Variants in GSK3B observed in about 807,000 individuals in gnomAD.
GSK3B encodes the protein glycogen synthase kinase 3 beta.
GSK3B carries 15 observed loss-of-function variants against 56.4 expected under a neutral mutation model. That is an observed-to-expected ratio of 0.27 (90% CI 0.18 to 0.41). GSK3B has a LOEUF of 0.41. Among genes scored for constraint, GSK3B ranks in the 10% least tolerant of loss-of-function variants. GSK3B has a pLI of 1.00. For missense variants in GSK3B, 300 were observed against 513.4 expected (o/e 0.58, Z 4.02); for synonymous variants, 181 against 188.9 (o/e 0.96, Z 0.34).
intron 3 of GSK3B, among the ~76,000 whole-genome samples, chr3:119,936,332 T>TAAA (rs1052636709): frequency 2.2e-5 from 3 of 138,420 alleles, no homozygotes; most frequent in African/African-American, 8.6e-5. Context: ...TAAATATATA[T>TAAA]AAAAAATATA....
intron 2 of GSK3B, among the ~76,000 whole-genome samples, chr3:119,948,266 C>A (rs910473371): frequency 6.6e-6 from 1 of 152,090 alleles, no homozygotes; most frequent in African/African-American, 2.4e-5. Flanking sequence ...AATGGTGTTA[C>A]GGTCAGAAAA....
At chr3:120,057,802 A>G (rs1290198981) in intron 1 of GSK3B, among the ~76,000 whole-genome samples, 1 of 152,190 alleles carries the variant, frequency 6.6e-6, no homozygotes, top group African/African-American at 2.4e-5. Flanking sequence ...TCTCATTTGC[A>G]AAACCGGAAT....
intron 3 of GSK3B, among the ~76,000 whole-genome samples, chr3:119,938,501 A>G (rs541262941): frequency 6.6e-6 from 1 of 152,032 alleles, no homozygotes; most frequent in South Asian, 2.1e-4. Context: ...TCAATGTAAT[A>G]TATCATGTTA....
chr3:119,848,703 AC>A (rs1174453166), intron 9 of GSK3B, among the ~76,000 whole-genome samples: 1 of 152,194 alleles, frequency 6.6e-6, no homozygotes, highest in African/African-American at 2.4e-5. Context: ...TCAAATCAGT[AC>A]CTAAACATCT....
chr3:119,848,420 C>CT lies in GSK3B; in HGVS notation c.1097-5068dup, dbSNP rs148545055. On this transcript the variant is annotated intron_variant, in intron 9 of 10. Transcript: ENST00000264235. ...TGAATTTTAAAAAGTTCAAGAAAAGCTTTTTTTTTTAAATTAAGGTATAAT... is the reference window on the plus strand; with the variant it reads ...TGAATTTTAAAAAGTTCAAGAAAAGCTTTTTTTTTTTAAATTAAGGTATAAT... Among the ~76,000 whole-genome samples the CT allele has an allele frequency of 4.6e-3, 692 of 149,168 alleles. 3 individuals are homozygous for CT. Among genetic ancestry groups the CT allele is most frequent in the African/African-American group, 0.013 (521 of 40,750 alleles).
At chr3:119,868,487 T>G (rs1402021614) in intron 8 of GSK3B, among the ~76,000 whole-genome samples, 1 of 152,220 alleles carries the variant, frequency 6.6e-6, no homozygotes, top group Admixed American at 6.5e-5. Context: ...TGGAGCTAAG[T>G]GTTGTGACTG....
At chr3:120,053,877 G>A (rs1232146088) in intron 1 of GSK3B, among the ~76,000 whole-genome samples, 4 of 152,254 alleles carry the variant, frequency 2.6e-5, no homozygotes, top group Non-Finnish European at 2.9e-5. Flanking sequence ...CCATGATTGC[G>A]AGGCCTTCCA....
At chr3:119,886,167 C>G (rs1166678034) in intron 7 of GSK3B, among the ~76,000 whole-genome samples, 3 of 151,982 alleles carry the variant, frequency 2.0e-5, no homozygotes, top group Non-Finnish European at 4.4e-5. Context: ...TATCCAGAAT[C>G]TATAAGAAAT....
intron 1 of GSK3B, among the ~76,000 whole-genome samples, chr3:120,027,147 G>A (rs1015614068): frequency 6.6e-6 from 1 of 151,242 alleles, no homozygotes; most frequent in Non-Finnish European, 1.5e-5. Flanking sequence ...GGCCAAGACA[G>A]GCAGACCACT....
At chr3:119,836,609 T>A (rs1392051033) in intron 10 of GSK3B, among the ~76,000 whole-genome samples, 1 of 152,208 alleles carries the variant, frequency 6.6e-6, no homozygotes, top group Non-Finnish European at 1.5e-5. Flanking sequence ...TACTTTTTTT[T>A]TAATGGAAAA....
chr3:119,840,152 TTGTCATAAGAGGATGGA>T (rs2055751371), intron 10 of GSK3B, among the ~76,000 whole-genome samples: 1 of 152,174 alleles, frequency 6.6e-6, no homozygotes, highest in Non-Finnish European at 1.5e-5. Flanking sequence ...ATAGGTTCTT[TTGTCATAAGAGGATGGA>T]TGTCAATCCT....
At position 119,872,436 on chromosome 3, in the gene GSK3B, G is replaced by A. The variant is rs111422490; in HGVS notation, c.909+3977C>T. ...CATAAGATCACCCTTGTCATTATAT[G>A]TATTTAACGCTAAATTTTCCTAAAG... On this transcript the variant is annotated intron_variant, in intron 8 of 10. Coordinates refer to ENST00000264235, the MANE Select transcript of GSK3B (RefSeq NM_001146156.2). Among the ~76,000 whole-genome samples the A allele has an allele frequency of 7.3e-3, 1,107 of 152,220 alleles. 15 individuals are homozygous for A. Among genetic ancestry groups the A allele is most frequent in the African/African-American group, 0.025 (1,021 of 41,554 alleles).
intron 9 of GSK3B, among the ~76,000 whole-genome samples, chr3:119,848,258 A>C (rs1335526839): frequency 1.3e-5 from 2 of 152,192 alleles, no homozygotes; most frequent in Non-Finnish European, 2.9e-5. Context: ...TTGTTACTTA[A>C]GTATTTAGCC....
chr3:120,001,918 T>C, intron 2 of GSK3B, 128 bp downstream of exon 2: 1 of 536,410 alleles, frequency 1.9e-6, no homozygotes, highest in Non-Finnish European at 3.2e-6. Context: ...ATCACTACAA[T>C]GGTTGAGCTG....
At chr3:120,000,918 CTTT>C (rs71156781) in intron 2 of GSK3B, among the ~76,000 whole-genome samples, 4 of 91,052 alleles carry the variant, frequency 4.4e-5, no homozygotes, top group Non-Finnish European at 6.2e-5. Flanking sequence ...ATGTAATCTC[CTTT>C]TTTTTTTTTT....
In GSK3B at chr3:119,894,881, TA is replaced by T. The variant is rs1271303397; in HGVS notation, c.813+10873del. Among the ~76,000 whole-genome samples the T allele has an allele frequency of 4.6e-5, 7 of 152,266 alleles. No homozygotes were observed. In the East Asian group the frequency reaches 9.7e-4, roughly 21 times the overall value. ...GTTTTATCGTTTTGGCTCTAACATT[TA>T]GGTCTTTGATTCATTCTGAATTCAT... is the stretch of plus-strand genomic sequence containing the variant. On this transcript the variant is annotated intron_variant, in intron 7 of 10. Coordinates refer to ENST00000264235, the MANE Select transcript of GSK3B (RefSeq NM_001146156.2).
At chr3:120,032,478 A>G (rs2057986058) in intron 1 of GSK3B, among the ~76,000 whole-genome samples, 1 of 86,612 alleles carries the variant, frequency 1.2e-5, no homozygotes, top group African/African-American at 5.2e-5. Context: ...CCGTCTCGGA[A>G]AAAAAAAAAA....
chr3:119,911,922 T>TG (rs771920783), intron 6 of GSK3B, among the ~76,000 whole-genome samples: 18 of 152,198 alleles, frequency 1.2e-4, no homozygotes, highest in Non-Finnish European at 2.5e-4. Flanking sequence ...ACTTTCCCTG[T>TG]AACAGCAATA....
intron 1 of GSK3B, among the ~76,000 whole-genome samples, chr3:120,058,347 AAACT>A (rs1167773594): frequency 6.6e-6 from 1 of 152,160 alleles, no homozygotes; most frequent in Non-Finnish European, 1.5e-5. Flanking sequence ...TTTCCCCTCC[AAACT>A]AAGTATTCAA....
Sources: allele counts gnomAD v4.1 joint callset (sites outside exome capture counted in the v4.1 genomes callset), GRCh38; gene constraint gnomAD v4.1.1; transcripts MANE v1.5; gene names NCBI Gene and HGNC (gene_info 2026-07-23, HGNC 2026-07-21).